The following TVP23A variants were observed in gnomAD, a reference collection of about 807,000 sequenced individuals.
TVP23A encodes trans-golgi network vesicle protein 23 homolog A, also known as Golgi apparatus membrane protein TVP23 homolog A.
A neutral mutation model predicts 31.7 loss-of-function variants in TVP23A; 21 were observed. That is an observed-to-expected ratio of 0.66 (90% CI 0.47 to 0.95). The LOEUF (loss-of-function observed/expected upper bound fraction) is 0.95. Ranked by LOEUF, TVP23A falls within the 40% of genes least tolerant of loss-of-function variation. TVP23A has a pLI of 0.00. For synonymous variants in TVP23A, 104 were observed against 96.0 expected (o/e 1.08, Z -0.49); for missense variants, 279 against 255.6 (o/e 1.09, Z -0.62).
intron 2 of TVP23A, among the ~76,000 whole-genome samples, chr16:10,811,761 G>A (rs373935185): frequency 1.4e-4 from 21 of 151,876 alleles, no homozygotes; most frequent in African/African-American, 4.3e-4. Context: ...AAAGTTAGCC[G>A]GGCATGGTGG....
chr16:10,797,396 TA>T (rs1053490574), intron 2 of TVP23A, among the ~76,000 whole-genome samples: 4 of 144,668 alleles, frequency 2.8e-5, no homozygotes, highest in Non-Finnish European at 6.1e-5. Flanking sequence ...AAAAAAAAAA[TA>T]AAAGAATAGC....
At chr16:10,795,693 A>C (rs2033350001) in intron 2 of TVP23A, among the ~76,000 whole-genome samples, 1 of 152,202 alleles carries the variant, frequency 6.6e-6, no homozygotes, top group Non-Finnish European at 1.5e-5. Flanking sequence ...CCGTGCAAGG[A>C]CCACACATTC....
At chr16:10,757,506 C>T (rs952956159), downstream of TVP23A, among the ~76,000 whole-genome samples, 1 of 152,088 alleles carries the variant, frequency 6.6e-6, no homozygotes, top group East Asian at 1.9e-4. The surrounding 1 kb of genome is among the most constrained non-coding windows in gnomAD (Gnocchi z 4.1). Context: ...GTGTTCTACA[C>T]CATAGGGTGT....
intron 5 of TVP23A, among the ~76,000 whole-genome samples, 172 bp from the exon 6 acceptor site, chr16:10,771,970 C>T (rs1241037246): frequency 2.0e-5 from 3 of 152,180 alleles, no homozygotes; most frequent in Non-Finnish European, 4.4e-5. Flanking sequence ...AGGCGTCCGC[C>T]ACCAGGCCTG....
At chr16:10,809,947 C>T (rs754979022) in intron 2 of TVP23A, among the ~76,000 whole-genome samples, 2 of 152,172 alleles carry the variant, frequency 1.3e-5, no homozygotes, top group African/African-American at 2.4e-5. Context: ...TTCATAGCAA[C>T]ATTACTCATA....
intron 2 of TVP23A, among the ~76,000 whole-genome samples, chr16:10,811,172 G>A (rs527577327): frequency 1.3e-5 from 2 of 152,286 alleles, no homozygotes; most frequent in South Asian, 4.1e-4. Context: ...GAACTACATA[G>A]TAGTAATGGA....
Position 10,799,707 on chromosome 16 carries a change from G to C in TVP23A, c.89+18396C>G, listed in dbSNP as rs1276174783. On this transcript the variant is annotated intron_variant, in intron 2 of 7. Transcript: ENST00000299866. ...TTTCAAGGGGCAGGAAAGACAAGGAGAGTGAGGTTCCTCTTAGAAGCAGAT... is the reference window on the plus strand; with the variant it reads ...TTTCAAGGGGCAGGAAAGACAAGGACAGTGAGGTTCCTCTTAGAAGCAGAT... 3.3e-5 allele frequency among the ~76,000 whole-genome samples: 5 copies of C among 152,352 alleles called. No homozygotes were observed. In the South Asian group the frequency reaches 1.0e-3, roughly 32 times the overall value.
intron 2 of TVP23A, among the ~76,000 whole-genome samples, chr16:10,796,946 T>A (rs2033422092): frequency 6.6e-6 from 1 of 152,126 alleles, no homozygotes; most frequent in South Asian, 2.1e-4. Flanking sequence ...CTCATGAACC[T>A]TGGGAGGCTG....
intron 2 of TVP23A, among the ~76,000 whole-genome samples, chr16:10,797,086 G>A (rs571200680): frequency 6.6e-6 from 1 of 151,158 alleles, no homozygotes; most frequent in Admixed American, 6.6e-5. Flanking sequence ...CTACTCAGGA[G>A]GCTAAAGTGG....
intron 2 of TVP23A, among the ~76,000 whole-genome samples, chr16:10,781,026 T>C (rs1407108219): frequency 1.3e-5 from 2 of 152,120 alleles, no homozygotes; most frequent in Middle Eastern, 3.2e-3. Context: ...CCCAGCCACA[T>C]AGAAACCCAT....
At chr16:10,811,547 G>A (rs917945949) in intron 2 of TVP23A, among the ~76,000 whole-genome samples, 4 of 151,992 alleles carry the variant, frequency 2.6e-5, no homozygotes, top group African/African-American at 4.8e-5. Flanking sequence ...TGGAACTACA[G>A]GCATGAGCCA....
downstream of TVP23A, among the ~76,000 whole-genome samples, chr16:10,763,058 C>G (rs910379675): frequency 4.6e-5 from 7 of 152,048 alleles, no homozygotes; most frequent in African/African-American, 1.7e-4. Context: ...GTGACGGCAT[C>G]TGAGGGTCAA....
rs140841242 is a variant in TVP23A, at chr16:10,815,116, G to A, written c.89+2987C>T. Among the ~76,000 whole-genome samples the A allele has an allele frequency of 1.6e-4, 25 of 152,200 alleles. 1 individual carries two copies. The East Asian group carries it at 4.8e-3, about 29-fold the overall frequency. On this transcript the variant is annotated intron_variant, in intron 2 of 7. Coordinates refer to ENST00000299866, the MANE Select transcript of TVP23A (RefSeq NM_001079512.4). ...GTTTAAAATACTGAGTTCTGGCCAG[G>A]CACAGTGGCTCACACCTATAATCTC...
At chr16:10,794,728 C>T (rs1386883594) in intron 2 of TVP23A, among the ~76,000 whole-genome samples, 3 of 152,096 alleles carry the variant, frequency 2.0e-5, no homozygotes, top group Non-Finnish European at 4.4e-5. Flanking sequence ...CCATGCTCTA[C>T]TCCCCAGCTA....
At position 10,777,811 on chromosome 16, in the gene TVP23A, A is replaced by C. The variant is rs1372009393; in HGVS notation, c.90-2715T>G. ...TGGATCACGAGGTCAAGAGACTGAG[A>C]CCATCCCTGGCCAACATGGTGAAAC... On this transcript the variant is annotated intron_variant, in intron 2 of 7. Coordinates refer to ENST00000299866, the MANE Select transcript of TVP23A (RefSeq NM_001079512.4). This position sits in a 1 kb window ranked among gnomAD's most constrained non-coding sequence, Gnocchi z 4.5. 6.6e-6 allele frequency among the ~76,000 whole-genome samples: 1 copy of C among 152,040 alleles called. No individual in the cohort carries two copies. Among genetic ancestry groups the C allele is most frequent in the African/African-American group, 2.4e-5 (1 of 41,414 alleles).
intron 2 of TVP23A, among the ~76,000 whole-genome samples, chr16:10,796,587 C>G (rs1318433213): frequency 6.6e-6 from 1 of 152,058 alleles, no homozygotes; most frequent in Non-Finnish European, 1.5e-5. Flanking sequence ...CGCCCACGAC[C>G]ATGCCCAGCT....
In TVP23A at chr16:10,799,866, C is replaced by A. The variant is rs143388273; in HGVS notation, c.89+18237G>T. Among the ~76,000 whole-genome samples, 17 of 152,224 alleles carry A rather than the reference C, an allele frequency of 1.1e-4. No homozygotes were observed. The East Asian group carries it at 1.9e-3, about 17-fold the overall frequency. ...TTATTAACTGATGGACAGAAAAGAG[C>A]AGAGAGGCCCGAGACTGACTTTCCA... On this transcript the variant is annotated intron_variant, in intron 2 of 7. Coordinates refer to ENST00000299866, the MANE Select transcript of TVP23A (RefSeq NM_001079512.4).
In TVP23A at chr16:10,818,589, A is replaced by C; in HGVS notation, c.-96T>G. 3 of 1,467,366 alleles carry C rather than the reference A, an allele frequency of 2.0e-6. No individual in the cohort carries two copies. Among genetic ancestry groups the C allele is most frequent in the Non-Finnish European group, 2.7e-6 (3 of 1,099,720 alleles). 90.9% of individuals were successfully genotyped at this position (1,467,366 alleles called of 1,614,324 possible). Reference sequence around the variant, plus strand: ...GGACGCCGGGCGGGCGGATGTAGGCAGCAGACGGTGGACGCTGAGGGTCGG... The same window carrying C: ...GGACGCCGGGCGGGCGGATGTAGGCCGCAGACGGTGGACGCTGAGGGTCGG... On this transcript the variant is annotated 5_prime_UTR_variant, in exon 1 of 8. Coordinates refer to ENST00000299866, the MANE Select transcript of TVP23A (RefSeq NM_001079512.4). This position sits in a 1 kb window ranked among gnomAD's most constrained non-coding sequence, Gnocchi z 4.7.
In TVP23A at chr16:10,771,807, A is replaced by T. The variant is rs1390971571; in HGVS notation, c.454-9T>A. 9.0e-6 allele frequency: 14 copies of T among 1,560,112 alleles called. No individual in the cohort carries two copies. The Admixed American group carries it at 2.5e-4, about 28-fold the overall frequency. ...CCAGCAACCACCAGAGCCTGCACTC[A>T]GACAAAGAAAGCAAAGGTCACTTTT... is the stretch of plus-strand genomic sequence containing the variant. On this transcript the variant is annotated splice_polypyrimidine_tract_variant and intron_variant, in intron 5 of 7. Transcript: ENST00000299866.
Sources: allele counts gnomAD v4.1 joint callset (sites outside exome capture counted in the v4.1 genomes callset), GRCh38; gene constraint gnomAD v4.1.1; non-coding constraint Gnocchi (gnomAD v3.1); transcripts MANE v1.5; gene names NCBI Gene and HGNC (gene_info 2026-07-23, HGNC 2026-07-21).